Variants in SUN5 observed in about 807,000 individuals in gnomAD.
SUN5 encodes SUN domain-containing protein 5.
In SUN5, 44 loss-of-function variants were observed where a neutral mutation model predicts 53.7. That is an observed-to-expected ratio of 0.82 (90% CI 0.64 to 1.05). SUN5 has a LOEUF of 1.05. Ranked by LOEUF, SUN5 falls within the 50% of genes least tolerant of loss-of-function variation. The pLI is 0.00. For synonymous variants in SUN5, 166 were observed against 179.8 expected, an observed-to-expected ratio of 0.92 and a Z score of 0.62; for missense variants, 433 against 483.8, an observed-to-expected ratio of 0.90 and a Z score of 0.98.
chr20:32,998,202 C>T (rs376614951), intron 5 of SUN5, among the ~76,000 whole-genome samples: 1 of 95,578 alleles, frequency 1.0e-5, no homozygotes, highest in Non-Finnish European at 2.2e-5. Flanking sequence ...AAAAAAAATA[C>T]AAAAATTAGC....
Position 32,989,601 on chromosome 20 carries a change from G to A in SUN5, c.613+19C>T. 1.2e-6 allele frequency: 2 copies of A among 1,611,458 alleles called. No individual in the cohort carries two copies. The highest frequency in any genetic ancestry group is 1.7e-6 in the Non-Finnish European group (2 of 1,177,714). On this transcript the variant is annotated intron_variant, in intron 9 of 12. Transcript: ENST00000356173. ...AGGACACTTGAGGCAGTCAGATGGT[G>A]GGGAAGGGGGTCACCTACCTATAGA...
chr20:33,001,587 C>CT (rs61612059), intron 3 of SUN5, among the ~76,000 whole-genome samples: 7,928 of 136,188 alleles, frequency 0.058, 727 homozygotes, highest in African/African-American at 0.21. Flanking sequence ...TCCTTTCTTT[C>CT]TTTTTTCTTC....
At chr20:32,989,765 A>G (rs1233420545) in intron 8 of SUN5, 67 bp from the exon 9 acceptor site, 6 of 1,343,350 alleles carry the variant, frequency 4.5e-6, no homozygotes, top group South Asian at 1.2e-5. Flanking sequence ...CCACGTGTCC[A>G]CGGGAGGTAA....
intron 9 of SUN5, among the ~76,000 whole-genome samples, chr20:32,989,176 T>C (rs1038775904): frequency 4.0e-5 from 6 of 150,804 alleles, no homozygotes; most frequent in Non-Finnish European, 7.4e-5. Context: ...CTGCCCGCCT[T>C]GGCCTCCCAA....
chr20:32,987,861 G>T (rs866568042), intron 9 of SUN5, 86 bp from the exon 10 acceptor site: 3 of 1,077,258 alleles, frequency 2.8e-6, no homozygotes, highest in Non-Finnish European at 4.1e-6. Context: ...ACTATGTGCC[G>T]GGCGAGCATT....
chr20:32,984,719 T>A (rs549669916), intron 12 of SUN5, among the ~76,000 whole-genome samples: 2 of 152,314 alleles, frequency 1.3e-5, no homozygotes, highest in East Asian at 3.9e-4. Context: ...CAGGCCTCAG[T>A]TTCCCCACCT....
intron 6 of SUN5, 139 bp from the exon 7 acceptor site, chr20:32,996,497 C>A: frequency 1.5e-6 from 1 of 649,846 alleles, no homozygotes; most frequent in Middle Eastern, 4.0e-4. Flanking sequence ...ACCCGTCTAC[C>A]CACCTATCAT....
chr20:33,003,586 C>T (rs945472617), intron 1 of SUN5, among the ~76,000 whole-genome samples: 8 of 152,036 alleles, frequency 5.3e-5, no homozygotes, highest in Non-Finnish European at 1.5e-5. Flanking sequence ...TAAAATTTTC[C>T]CTTATTTCTT....
At chr20:33,002,941 GT>G in intron 1 of SUN5, 22 bp from the exon 2 acceptor site, 1 of 1,613,702 alleles carries the variant, frequency 6.2e-7, no homozygotes, top group Non-Finnish European at 8.5e-7. Context: ...AAGATTCATA[GT>G]CGCATTTTAC....
intron 1 of SUN5, among the ~76,000 whole-genome samples, chr20:33,004,015 C>T (rs1435929299): frequency 1.3e-5 from 2 of 152,244 alleles, no homozygotes; most frequent in African/African-American, 4.8e-5. Context: ...GGTGCCACAC[C>T]GTGTTCCCCG....
intron 11 of SUN5, 58 bp from the exon 12 acceptor site, chr20:32,985,243 T>C (rs1989505150): frequency 6.6e-7 from 1 of 1,507,850 alleles, no homozygotes; most frequent in East Asian, 2.3e-5. Context: ...TCAGAGGGTG[T>C]CTCCCCTCTC....
At chr20:32,992,686 T>C (rs898602628) in intron 8 of SUN5, among the ~76,000 whole-genome samples, 2 of 152,172 alleles carry the variant, frequency 1.3e-5, no homozygotes, top group African/African-American at 4.8e-5. Flanking sequence ...ATTTGCAATA[T>C]GTACATCCAA....
intron 5 of SUN5, 117 bp downstream of exon 5, chr20:32,999,957 C>A: frequency 6.4e-7 from 1 of 1,555,434 alleles, no homozygotes; most frequent in Non-Finnish European, 8.7e-7. Flanking sequence ...CAACACCCAT[C>A]AGGCAGATGG....
chr20:32,989,036 C>G (rs1327196312), intron 9 of SUN5, among the ~76,000 whole-genome samples: 1 of 152,170 alleles, frequency 6.6e-6, no homozygotes, highest in African/African-American at 2.4e-5. Flanking sequence ...CCCCATTCTC[C>G]TACCTCAGCC....
chr20:32,986,227 T>C (rs1420201630), intron 10 of SUN5, among the ~76,000 whole-genome samples: 1 of 152,208 alleles, frequency 6.6e-6, no homozygotes, highest in Non-Finnish European at 1.5e-5. Flanking sequence ...ATTCTTTACA[T>C]GGTCTTACAA....
chr20:32,987,852 C>T, intron 9 of SUN5, 77 bp from the exon 10 acceptor site: 1 of 1,187,710 alleles, frequency 8.4e-7, no homozygotes, highest in Non-Finnish European at 1.2e-6. Context: ...TGGGCCCTGA[C>T]TATGTGCCGG....
chr20:32,986,482 C>T (rs1989543161), intron 10 of SUN5, among the ~76,000 whole-genome samples: 1 of 152,184 alleles, frequency 6.6e-6, no homozygotes, highest in South Asian at 2.1e-4. Context: ...CGGTTCTGAG[C>T]TTCTGGAGCC....
chr20:33,001,671 C>CTTCCTTCT (rs1334305489), intron 3 of SUN5, among the ~76,000 whole-genome samples: 1 of 128,120 alleles, frequency 7.8e-6, no homozygotes, highest in Non-Finnish European at 1.7e-5. Context: ...CCCTCCCTTC[C>CTTCCTTCT]TTCCTTCTTT....
chr20:32,986,682 A>C (rs748938677), intron 10 of SUN5, among the ~76,000 whole-genome samples: 1 of 152,124 alleles, frequency 6.6e-6, no homozygotes, highest in African/African-American at 2.4e-5. Context: ...GGACCTGGAG[A>C]GCTCAGTCAG....
Sources: gnomAD v4.1 joint callset for allele counts (sites outside exome capture counted in the v4.1 genomes callset) on GRCh38, gnomAD v4.1.1 for gene constraint, MANE v1.5 for transcripts, NCBI Gene and HGNC (gene_info 2026-07-23, HGNC 2026-07-21) for gene names.